ROR2: variants seen among roughly 807,000 people sequenced by gnomAD.
ROR2 encodes tyrosine-protein kinase transmembrane receptor ROR2.
ROR2 carries 33 observed loss-of-function variants against 74.9 expected under a neutral mutation model. The observed-to-expected ratio is 0.44, with a 90% confidence interval of 0.33 to 0.59. The LOEUF is 0.59. Among genes scored for constraint, ROR2 ranks in the 20% least tolerant of loss-of-function variants. ROR2 has a pLI of 0.02. For missense variants in ROR2, 1,216 were observed against 1,313.8 expected (o/e 0.93, Z 1.15); for synonymous variants, 586 against 558.7 (o/e 1.05, Z -0.69).
chr9:91,885,222 G>A (rs1449508422), intron 1 of ROR2, among the ~76,000 whole-genome samples: 2 of 152,120 alleles, frequency 1.3e-5, no homozygotes, highest in African/African-American at 4.8e-5. Flanking sequence ...GTGGCCTGCA[G>A]CTGGCCAGAG....
chr9:91,780,757 C>T (rs894793501), intron 1 of ROR2, among the ~76,000 whole-genome samples: 1 of 152,190 alleles, frequency 6.6e-6, no homozygotes, highest in Admixed American at 6.5e-5. Context: ...TGCCATTGCA[C>T]TCCAGCCTGG....
intron 2 of ROR2, among the ~76,000 whole-genome samples, chr9:91,772,508 C>G (rs1826265141): frequency 6.6e-6 from 1 of 152,208 alleles, no homozygotes; most frequent in African/African-American, 2.4e-5. Context: ...AACCCAGGCT[C>G]AGAACTGTGA....
At chr9:91,892,590 C>CTTTTTTTTTTTTTTTTTT (rs547073635) in intron 1 of ROR2, among the ~76,000 whole-genome samples, 1 of 105,468 alleles carries the variant, frequency 9.5e-6, no homozygotes. Context: ...CTTTTCTTTT[C>CTTTTTTTTTTTTTTTTTT]TTTTTTTTTT....
intron 1 of ROR2, among the ~76,000 whole-genome samples, chr9:91,901,668 T>C (rs887894986): frequency 6.6e-6 from 1 of 151,702 alleles, no homozygotes; most frequent in Non-Finnish European, 1.5e-5. Flanking sequence ...ATACAAAAAT[T>C]AGCCAGGCAT....
chr9:91,857,260 T>C (rs552019400), intron 1 of ROR2, among the ~76,000 whole-genome samples: 1 of 152,318 alleles, frequency 6.6e-6, no homozygotes, highest in South Asian at 2.1e-4. Context: ...AACAATTTCC[T>C]AAGCAACATG....
At chr9:91,851,924 C>A (rs62564599) in intron 1 of ROR2, among the ~76,000 whole-genome samples, 3 of 150,314 alleles carry the variant, frequency 2.0e-5, no homozygotes, top group Admixed American at 6.6e-5. Context: ...TGCAGTGAGC[C>A]GAGATGGCAC....
chr9:91,804,468 C>G (rs1465891466), intron 1 of ROR2, among the ~76,000 whole-genome samples: 1 of 152,212 alleles, frequency 6.6e-6, no homozygotes, highest in Non-Finnish European at 1.5e-5. Flanking sequence ...GGCCAGGGAG[C>G]CTCCAAGTGT....
At chr9:91,843,897 T>C (rs1828852746) in intron 1 of ROR2, among the ~76,000 whole-genome samples, 1 of 152,166 alleles carries the variant, frequency 6.6e-6, no homozygotes, top group Non-Finnish European at 1.5e-5. Flanking sequence ...CCCACATTGG[T>C]TCCAGCTGCT....
intron 1 of ROR2, among the ~76,000 whole-genome samples, chr9:91,841,883 A>G (rs1036007523): frequency 6.6e-6 from 1 of 152,198 alleles, no homozygotes; most frequent in African/African-American, 2.4e-5. Context: ...CATTCTGTGC[A>G]TGGCCCTGGC....
chr9:91,880,006 A>G (rs1830062189), intron 1 of ROR2, among the ~76,000 whole-genome samples: 1 of 152,148 alleles, frequency 6.6e-6, no homozygotes, highest in African/African-American at 2.4e-5. Flanking sequence ...CCTAATTATT[A>G]TCGGCTGAAT....
intron 1 of ROR2, among the ~76,000 whole-genome samples, chr9:91,904,511 C>G (rs71494487): frequency 0.047 from 7,197 of 152,302 alleles, 240 homozygotes; most frequent in Middle Eastern, 0.088. Flanking sequence ...GAAAAGCCAT[C>G]CAGTCACAGC....
At chr9:91,923,331 T>A (rs1221605582) in intron 1 of ROR2, among the ~76,000 whole-genome samples, 1 of 152,230 alleles carries the variant, frequency 6.6e-6, no homozygotes, top group Non-Finnish European at 1.5e-5. Context: ...CACTTAAGTT[T>A]GGCTAGTGCA....
intron 5 of ROR2, 34 bp downstream of exon 5, chr9:91,737,357 T>C (rs777476443): frequency 1.1e-5 from 18 of 1,613,798 alleles, no homozygotes; most frequent in Non-Finnish European, 1.5e-5. Context: ...GTGTGCATGC[T>C]TATCATCCTG....
chr9:91,931,614 C>T (rs1831551187), intron 1 of ROR2, among the ~76,000 whole-genome samples: 1 of 151,968 alleles, frequency 6.6e-6, no homozygotes, highest in African/African-American at 2.4e-5. Context: ...AAATTTTAAG[C>T]CATTTAAAAA....
At chr9:91,882,906 G>A (rs963569498) in intron 1 of ROR2, among the ~76,000 whole-genome samples, 3 of 152,164 alleles carry the variant, frequency 2.0e-5, no homozygotes, top group Non-Finnish European at 2.9e-5. Flanking sequence ...GAAAGTAAAT[G>A]CCTGTTGTTT....
chr9:91,756,269 C>T (rs1433562220), intron 3 of ROR2, among the ~76,000 whole-genome samples, 168 bp from the exon 4 acceptor site: 3 of 152,246 alleles, frequency 2.0e-5, no homozygotes, highest in Non-Finnish European at 4.4e-5. Context: ...GGCTGGAAAC[C>T]ACACACAAGG....
chr9:91,746,346 G>A (rs1413960079), intron 4 of ROR2, among the ~76,000 whole-genome samples: 1 of 152,166 alleles, frequency 6.6e-6, no homozygotes, highest in African/African-American at 2.4e-5. Flanking sequence ...CAAAGTGCTG[G>A]GATTACAGGC....
Position 91,818,486 on chromosome 9 carries a change from A to G in ROR2, c.98-42668T>C, listed in dbSNP as rs1458678624. Among the ~76,000 whole-genome samples, 6 of 23,114 alleles carry G rather than the reference A, an allele frequency of 2.6e-4. No homozygotes were observed. In the East Asian group the frequency reaches 6.8e-3, roughly 26 times the overall value. 15.2% of individuals were successfully genotyped at this position (23,114 alleles called of 152,430 possible). ...ACCCCACCAGTAGCCAGCCCTCTCC[A>G]AAAGGGCCCCTCATGCCACCTGGAC... On this transcript the variant is annotated intron_variant, in intron 1 of 8. Transcript: ENST00000375708.
At chr9:91,866,851 C>T (rs546959434) in intron 1 of ROR2, among the ~76,000 whole-genome samples, 6 of 152,112 alleles carry the variant, frequency 3.9e-5, no homozygotes, top group East Asian at 3.9e-4. Flanking sequence ...GAACTGACAA[C>T]GGAATCTAGT....
Sources: allele counts gnomAD v4.1 joint callset (sites outside exome capture counted in the v4.1 genomes callset), GRCh38; gene constraint gnomAD v4.1.1; transcripts MANE v1.5; gene names NCBI Gene and HGNC (gene_info 2026-07-23, HGNC 2026-07-21).